DENND1A: variants seen among roughly 807,000 people sequenced by gnomAD.
The protein encoded by DENND1A is DENN domain containing 1A.
DENND1A carries 51 observed loss-of-function variants against 113.7 expected under a neutral mutation model. That is an observed-to-expected ratio of 0.45 (90% CI 0.36 to 0.57). The LOEUF (loss-of-function observed/expected upper bound fraction) is 0.57, where lower values mean the gene tolerates loss of function less well. Among genes scored for constraint, DENND1A ranks in the 20% least tolerant of loss-of-function variants. The probability of loss-of-function intolerance (pLI) is 0.00; values close to 1 mark genes in which losing one functional copy is unlikely to be tolerated. For synonymous variants in DENND1A, 565 were observed against 570.8 expected, an observed-to-expected ratio of 0.99 and a Z score of 0.14; for missense variants, 1,258 against 1,395.9, an observed-to-expected ratio of 0.90 and a Z score of 1.57.
chr9:123,752,718 G>C (rs1263576039), intron 5 of DENND1A, among the ~76,000 whole-genome samples: 1 of 152,120 alleles, frequency 6.6e-6, no homozygotes, highest in Non-Finnish European at 1.5e-5. Context: ...CAAATATCAA[G>C]TGCCATAACA....
Position 123,929,915 on chromosome 9 carries a change from G to A in DENND1A, c.-10C>T. ...TGATCCTGGAGCCCATGGTCCCCAG[G>A]CCTCCTCATGGGCCCGCGGGCCCCG... is the stretch of plus-strand genomic sequence containing the variant. On this transcript the variant is annotated 5_prime_UTR_variant, in exon 1 of 24. Transcript: ENST00000394215. The A allele has an allele frequency of 8.7e-6, 3 of 344,520 alleles. No individual in the cohort carries two copies. The highest frequency in any genetic ancestry group is 1.6e-5 in the Non-Finnish European group (3 of 185,384). The allele number at this position is 344,520 out of a possible 1,614,324, so 21.3% of individuals were successfully genotyped here.
chr9:123,438,543 C>T (rs1011874656), intron 19 of DENND1A, among the ~76,000 whole-genome samples: 7 of 152,076 alleles, frequency 4.6e-5, no homozygotes, highest in African/African-American at 1.4e-4. Context: ...AGGGAGAGCC[C>T]GCTGCATGGC....
chr9:123,562,498 G>A (rs1458024673), intron 12 of DENND1A, among the ~76,000 whole-genome samples: 1 of 152,160 alleles, frequency 6.6e-6, no homozygotes, highest in Non-Finnish European at 1.5e-5. Flanking sequence ...ACTGTCGAGT[G>A]AGGAAAAACA....
intron 10 of DENND1A, among the ~76,000 whole-genome samples, chr9:123,616,054 C>T (rs1356975108): frequency 6.6e-6 from 1 of 152,128 alleles, no homozygotes; most frequent in African/African-American, 2.4e-5. Context: ...CTCAGTCCCT[C>T]GAGTTGCTAG....
chr9:123,538,809 C>CATAT (rs35223887), intron 13 of DENND1A, among the ~76,000 whole-genome samples: 34 of 22,428 alleles, frequency 1.5e-3, no homozygotes, highest in South Asian at 1.9e-3. Context: ...ACAACTCATA[C>CATAT]ATATATATAT....
intron 8 of DENND1A, among the ~76,000 whole-genome samples, chr9:123,664,941 C>T (rs1229931419): frequency 2.6e-5 from 4 of 152,152 alleles, no homozygotes; most frequent in African/African-American, 9.7e-5. Flanking sequence ...TACTTTCCCA[C>T]TTCTTTTTGG....
intron 13 of DENND1A, among the ~76,000 whole-genome samples, chr9:123,509,862 T>C (rs2053296689): frequency 6.6e-6 from 1 of 152,238 alleles, no homozygotes; most frequent in South Asian, 2.1e-4. Flanking sequence ...CTCCACTGAC[T>C]GACTCATTGG....
At chr9:123,832,224 A>G (rs1288701766) in intron 2 of DENND1A, among the ~76,000 whole-genome samples, 1 of 152,238 alleles carries the variant, frequency 6.6e-6, no homozygotes, top group Admixed American at 6.5e-5. Context: ...AGAATTCCTT[A>G]AAAATAACAA....
At chr9:123,824,256 C>T (rs1255530248) in intron 2 of DENND1A, among the ~76,000 whole-genome samples, 2 of 152,102 alleles carry the variant, frequency 1.3e-5, no homozygotes, top group Non-Finnish European at 2.9e-5. Flanking sequence ...AGAAACACCC[C>T]AAAACTTAAG....
At chr9:123,596,513 G>A (rs769671763) in intron 11 of DENND1A, among the ~76,000 whole-genome samples, 2 of 152,202 alleles carry the variant, frequency 1.3e-5, no homozygotes, top group Non-Finnish European at 2.9e-5. Context: ...GAAGCTCCAA[G>A]AGGTACAGTA....
At chr9:123,809,049 C>T (rs1198695473) in intron 2 of DENND1A, among the ~76,000 whole-genome samples, 1 of 152,124 alleles carries the variant, frequency 6.6e-6, no homozygotes, top group Non-Finnish European at 1.5e-5. Flanking sequence ...CCTAGTGAGA[C>T]CTGAAAGCTC....
intron 8 of DENND1A, among the ~76,000 whole-genome samples, chr9:123,658,052 C>A (rs2139609132): frequency 6.6e-6 from 1 of 152,280 alleles, no homozygotes; most frequent in African/African-American, 2.4e-5. Flanking sequence ...TCTACTACCA[C>A]TTCAACTTTG....
chr9:123,909,426 T>C (rs1276616712), intron 1 of DENND1A, among the ~76,000 whole-genome samples: 1 of 142,140 alleles, frequency 7.0e-6, no homozygotes, highest in Non-Finnish European at 1.6e-5. Context: ...ATAAAAAAAC[T>C]GGAAAAAAGA....
At chr9:123,895,902 ACATCT>A (rs1459836598) in intron 1 of DENND1A, among the ~76,000 whole-genome samples, 1 of 152,118 alleles carries the variant, frequency 6.6e-6, no homozygotes, top group African/African-American at 2.4e-5. Flanking sequence ...ACACACATAC[ACATCT>A]CAGGAACTGT....
At chr9:123,658,824 T>C (rs559484235) in intron 8 of DENND1A, among the ~76,000 whole-genome samples, 1 of 152,304 alleles carries the variant, frequency 6.6e-6, no homozygotes, top group Admixed American at 6.5e-5. Context: ...AGAGAGGACA[T>C]TTTACCAAAC....
Position 123,803,562 on chromosome 9 carries a change from C to T in DENND1A, c.89-10932G>A, listed in dbSNP as rs539807759. ...ACCTCTGCCCCACAGACTCTGCCTT[C>T]GTCTTATTACGTGACCCTTGCAAAG... On this transcript the variant is annotated intron_variant, in intron 2 of 23. Transcript: ENST00000394215. Among the ~76,000 whole-genome samples, 6 of 152,286 alleles carry T rather than the reference C, an allele frequency of 3.9e-5. No homozygotes were observed. In the South Asian group the frequency reaches 1.0e-3, roughly 26 times the overall value.
At chr9:123,587,265 C>T (rs1458910473) in intron 11 of DENND1A, among the ~76,000 whole-genome samples, 2 of 152,006 alleles carry the variant, frequency 1.3e-5, no homozygotes, top group Non-Finnish European at 2.9e-5. Context: ...CTGAGTGGCT[C>T]AGTATATAGA....
Position 123,382,379 on chromosome 9 carries a change from C to A in DENND1A, c.2266G>T (p.Gly756Cys), listed in dbSNP as rs760950776. 1 of 1,599,026 alleles carries A rather than the reference C, an allele frequency of 6.3e-7. No homozygotes were observed. Among genetic ancestry groups the A allele is most frequent in the Non-Finnish European group, 8.5e-7 (1 of 1,172,820 alleles). Residue 756 changes from glycine (G) to cysteine (C), a missense_variant, in exon 24 of 24, where the codon GGC becomes TGC. Gly to Cys is a radical substitution (Grantham distance 159). Around this residue, in one of 2 missense-constraint regions of DENND1A, gnomAD observed 1,159 missense variants for 1,231.7 expected, o/e 0.94. Transcript: ENST00000394215. ...TGGGGCCGGGGGATGGTGATGCTGC[C>A]CAGAGTAGGGGTGGGCACCTCCTCC... is the stretch of plus-strand genomic sequence containing the variant. Reference protein sequence around the residue: ...DKEEVPTPTLGSITIPRPQGR... With the variant: ...DKEEVPTPTLCSITIPRPQGR...
At chr9:123,651,959 T>C in intron 9 of DENND1A, 54 bp downstream of exon 9, 1 of 1,502,920 alleles carries the variant, frequency 6.7e-7, no homozygotes, top group South Asian at 1.2e-5. Flanking sequence ...TGCTGGTGTA[T>C]CTTTCAATTA....
Sources: gnomAD v4.1 joint callset for allele counts (sites outside exome capture counted in the v4.1 genomes callset) on GRCh38, gnomAD v4.1.1 for gene constraint, gnomAD v4.1.1 regional missense constraint, MANE v1.5 for transcripts, NCBI Gene and HGNC (gene_info 2026-07-23, HGNC 2026-07-21) for gene names.